GPRC5A: variants seen among roughly 807,000 people sequenced by gnomAD.
GPRC5A encodes the protein retinoic acid-induced protein 3.
Under a neutral mutation model 22.5 loss-of-function variants are expected in GPRC5A, and 19 were observed. That is an observed-to-expected ratio of 0.85 (90% CI 0.59 to 1.24). The LOEUF (loss-of-function observed/expected upper bound fraction) is 1.24, where lower values mean the gene tolerates loss of function less well. GPRC5A is among the 50% of genes most tolerant of loss of function. GPRC5A has a pLI of 0.00. For synonymous variants in GPRC5A, 192 were observed against 184.5 expected (o/e 1.04, Z -0.33); for missense variants, 471 against 451.1 (o/e 1.04, Z -0.40).
In GPRC5A at chr12:12,895,273, A is replaced by G. The variant is rs142485115; in HGVS notation, c.-8+3609A>G. 2.4e-3 allele frequency among the ~76,000 whole-genome samples: 372 copies of G among 152,148 alleles called. 3 individuals carry two copies. Among genetic ancestry groups the G allele is most frequent in the African/African-American group, 7.9e-3 (329 of 41,540 alleles). ...ATACTTGTTAAATAAATATTATGTT[A>G]GTATTTCTTTTTATTTTCATTTCTT... On this transcript the variant is annotated intron_variant, in intron 1 of 3. Transcript: ENST00000014914.
At chr12:12,907,178 A>G (rs1299093979) in intron 1 of GPRC5A, among the ~76,000 whole-genome samples, 6 of 152,178 alleles carry the variant, frequency 3.9e-5, no homozygotes, top group African/African-American at 1.4e-4. Flanking sequence ...CCTTCTGTAG[A>G]AAAATCTGCT....
In GPRC5A at chr12:12,907,350, G is replaced by A. The variant is rs1863952639; in HGVS notation, c.-7-893G>A. On this transcript the variant is annotated intron_variant, in intron 1 of 3. Transcript: ENST00000014914. ...CGGGAGGCGGAGCTTGCAGTGAGCC[G>A]AGATCGTGCCACTGCACTCCAGCCT... is the stretch of plus-strand genomic sequence containing the variant. 2.9e-5 allele frequency among the ~76,000 whole-genome samples: 4 copies of A among 137,838 alleles called. No individual in the cohort carries two copies. In the South Asian group the frequency reaches 7.2e-4, roughly 25 times the overall value. 90.4% of individuals were successfully genotyped at this position (137,838 alleles called of 152,430 possible). A position where few individuals can be genotyped will look rare whatever the true frequency, so the allele number is the denominator to read the frequency against.
At chr12:12,908,217 C>A (rs759149682) in intron 1 of GPRC5A, 26 bp from the exon 2 acceptor site, 9 of 1,432,104 alleles carry the variant, frequency 6.3e-6, no homozygotes, top group Non-Finnish European at 8.6e-6. Context: ...ATACCTTCTC[C>A]CCACTCCAAC....
In GPRC5A at chr12:12,901,521, C is replaced by T. The variant is rs188312254; in HGVS notation, c.-7-6722C>T. Among the ~76,000 whole-genome samples, 20 of 152,138 alleles carry T rather than the reference C, an allele frequency of 1.3e-4. No individual in the cohort carries two copies. The East Asian group carries it at 2.3e-3, about 18-fold the overall frequency. The stretch of plus-strand genomic sequence containing the variant: ...TCCTGACTCCCCTTACCCCACACAC[C>T]GAGCGCCATTCTCTTGCTGCCTCAT... On this transcript the variant is annotated intron_variant, in intron 1 of 3. Transcript: ENST00000014914.
chr12:12,909,380 A>G, intron 2 of GPRC5A: 1 of 534,270 alleles, frequency 1.9e-6, no homozygotes, highest in East Asian at 3.0e-5. Context: ...GTCTTTATTG[A>G]GTACTTTGTA....
At chr12:12,896,013 A>T (rs1255332826) in intron 1 of GPRC5A, among the ~76,000 whole-genome samples, 1 of 139,000 alleles carries the variant, frequency 7.2e-6, no homozygotes, top group African/African-American at 2.7e-5. Context: ...AAAAAAAAAA[A>T]AAGGATAGTA....
chr12:12,912,104 A>G lies in GPRC5A; in HGVS notation c.943A>G (p.Thr315Ala), dbSNP rs764110324. 6 of 1,613,458 alleles carry G rather than the reference A, an allele frequency of 3.7e-6. No individual in the cohort carries two copies. Among genetic ancestry groups the G allele is most frequent in the Non-Finnish European group, 5.1e-6 (6 of 1,179,458 alleles). The change falls in exon 3 of 4, where the codon ACG becomes GCG. Residue 315 changes from threonine to alanine, a missense_variant. Physicochemically the swap from Thr to Ala is moderately conservative, Grantham distance 58. Coordinates refer to ENST00000014914, the MANE Select transcript of GPRC5A (RefSeq NM_003979.4). ...ITQGFEETGD[T>A]LYAPYSTHFQ... is the part of the protein sequence containing the mutation. The stretch of plus-strand genomic sequence containing the variant: ...TTCAGGTTTTGAAGAGACAGGGGAC[A>G]CGCTCTATGCCCCCTATTCCACACA...
intron 2 of GPRC5A, among the ~76,000 whole-genome samples, chr12:12,911,566 G>T (rs1194927159): frequency 1.3e-5 from 2 of 151,142 alleles, no homozygotes; most frequent in East Asian, 3.9e-4. Flanking sequence ...TCGGCTCACT[G>T]CAAGCTCCAC....
chr12:12,892,879 A>C (rs1369676802), intron 1 of GPRC5A, among the ~76,000 whole-genome samples: 1 of 152,060 alleles, frequency 6.6e-6, no homozygotes, highest in Non-Finnish European at 1.5e-5. Flanking sequence ...GCTACTTCAG[A>C]CACAATGGGC....
chr12:12,899,302 G>T (rs1863856748), intron 1 of GPRC5A, among the ~76,000 whole-genome samples: 1 of 152,154 alleles, frequency 6.6e-6, no homozygotes, highest in South Asian at 2.1e-4. Context: ...GCCTCTCAAA[G>T]TACTGGGATT....
At chr12:12,896,259 G>A (rs150487684) in intron 1 of GPRC5A, among the ~76,000 whole-genome samples, 28 of 152,212 alleles carry the variant, frequency 1.8e-4, no homozygotes, top group African/African-American at 6.7e-4. Flanking sequence ...GATGAACACC[G>A]TGGTTATACT....
chr12:12,898,938 A>G (rs1863852154), intron 1 of GPRC5A, among the ~76,000 whole-genome samples: 1 of 152,230 alleles, frequency 6.6e-6, no homozygotes, highest in Non-Finnish European at 1.5e-5. Context: ...ATGTGCCCTC[A>G]GCATTCCTAA....
chr12:12,908,825 C>T lies in GPRC5A; in HGVS notation c.576C>T (p.Phe192=). ...TYVLFLMALT[F]LMSSFTFCGS... The stretch of plus-strand genomic sequence containing the variant: ...TCCTCTTCTTGATGGCGCTGACCTT[C>T]CTCATGTCCTCCTTCACCTTCTGTG... The change falls in exon 2 of 4, where the codon TTC becomes TTT. Residue 192 remains phenylalanine (F), a synonymous_variant. Transcript: ENST00000014914. The T allele has an allele frequency of 6.2e-7, 1 of 1,614,132 alleles. No homozygotes were observed. The highest frequency in any genetic ancestry group is 8.5e-7 in the Non-Finnish European group (1 of 1,179,944).
At chr12:12,895,782 C>A (rs1863816342) in intron 1 of GPRC5A, among the ~76,000 whole-genome samples, 1 of 139,556 alleles carries the variant, frequency 7.2e-6, no homozygotes, top group Non-Finnish European at 1.5e-5. Context: ...TCAAGACCAT[C>A]CTGACTAACA....
At position 12,914,370 on chromosome 12, in the gene GPRC5A, G is replaced by A. The variant is rs763206870; in HGVS notation, c.*1831G>A. On this transcript the variant is annotated 3_prime_UTR_variant, in exon 4 of 4. Transcript: ENST00000014914. ...TTAGCCTGGCTTTGTACTGAAAAGG[G>A]GGAAGGACACATAGTGACACAGATC... is the stretch of plus-strand genomic sequence containing the variant. The A allele has an allele frequency of 7.2e-5, 11 of 152,578 alleles. No homozygotes were observed. The highest frequency in any genetic ancestry group is 1.5e-4 in the Non-Finnish European group (10 of 68,042). 9.5% of individuals were successfully genotyped at this position (152,578 alleles called of 1,614,324 possible). A position where few individuals can be genotyped will look rare whatever the true frequency, so the allele number is the denominator to read the frequency against.
intron 1 of GPRC5A, among the ~76,000 whole-genome samples, chr12:12,900,340 A>G (rs1446518583): frequency 6.6e-6 from 1 of 152,246 alleles, no homozygotes; most frequent in Non-Finnish European, 1.5e-5. Context: ...CAGGTGGGTG[A>G]ACGGTGGAGC....
Position 12,912,773 on chromosome 12 carries a change from A to T in GPRC5A, c.*234A>T, listed in dbSNP as rs1178797012. On this transcript the variant is annotated 3_prime_UTR_variant, in exon 4 of 4. Transcript: ENST00000014914. Reference sequence around the variant, plus strand: ...TTTTTTTTTTTGTCTCATCCTTTGGATACTTCTTTTAAGTGGGAGTCTCAG... The same window carrying T: ...TTTTTTTTTTTGTCTCATCCTTTGGTTACTTCTTTTAAGTGGGAGTCTCAG... 1.7e-5 allele frequency: 8 copies of T among 473,674 alleles called. No individual in the cohort carries two copies. Among genetic ancestry groups the T allele is most frequent in the Non-Finnish European group, 2.9e-5 (8 of 272,102 alleles). 29.3% of individuals were successfully genotyped at this position (473,674 alleles called of 1,614,324 possible).
intron 1 of GPRC5A, among the ~76,000 whole-genome samples, chr12:12,897,892 G>A (rs908691873): frequency 1.3e-5 from 2 of 152,062 alleles, no homozygotes; most frequent in Non-Finnish European, 2.9e-5. Context: ...TCACAGGTGT[G>A]AGCCACTGCG....
At chr12:12,899,303 T>C (rs1863856768) in intron 1 of GPRC5A, among the ~76,000 whole-genome samples, 1 of 152,160 alleles carries the variant, frequency 6.6e-6, no homozygotes, top group East Asian at 1.9e-4. Flanking sequence ...CCTCTCAAAG[T>C]ACTGGGATTA....
Sources: gnomAD v4.1 joint callset for allele counts (sites outside exome capture counted in the v4.1 genomes callset) on GRCh38, gnomAD v4.1.1 for gene constraint, MANE v1.5 for transcripts, NCBI Gene and HGNC (gene_info 2026-07-23, HGNC 2026-07-21) for gene names.